EFHC1: variants seen among roughly 807,000 people sequenced by gnomAD.
The protein encoded by EFHC1 is EF-hand domain-containing protein 1.
EFHC1 carries 53 observed loss-of-function variants against 69.9 expected under a neutral mutation model. The ratio of observed to expected loss-of-function variants is 0.76; its 90% CI spans 0.61 to 0.95. EFHC1 has a LOEUF of 0.95. EFHC1 is among the 40% of genes least tolerant of loss of function. The pLI is 0.00. For synonymous variants in EFHC1, 256 were observed against 278.4 expected (o/e 0.92, Z 0.80); for missense variants, 739 against 798.7 (o/e 0.93, Z 0.90).
At chr6:52,466,937 A>G (rs1765318668) in intron 6 of EFHC1, among the ~76,000 whole-genome samples, 2 of 151,982 alleles carry the variant, frequency 1.3e-5, no homozygotes, top group Admixed American at 1.3e-4. Context: ...ACAATGATAA[A>G]CCCTCTCCTG....
intron 7 of EFHC1, among the ~76,000 whole-genome samples, chr6:52,476,765 TCAC>T: frequency 6.7e-6 from 1 of 149,834 alleles, no homozygotes; most frequent in Non-Finnish European, 1.5e-5. Context: ...GAACTATCTA[TCAC>T]ATATTGGAGG....
rs547901333 is a variant in EFHC1 at position 52,426,388 on chromosome 6, CCTT to C, written c.285+2225_285+2227del. ...TTGCCTCCATGACTCTCATTTTCCT[CCTT>C]CTTTCTATGTGGTTGCTTATTCTTT... On this transcript the variant is annotated intron_variant, in intron 2 of 10. Transcript: ENST00000371068. 5.9e-5 allele frequency among the ~76,000 whole-genome samples: 9 copies of C among 152,270 alleles called. No individual in the cohort carries two copies. The South Asian group carries it at 1.9e-3, about 32-fold the overall frequency.
intron 3 of EFHC1, among the ~76,000 whole-genome samples, chr6:52,447,134 T>C (rs545020196): frequency 1.3e-5 from 2 of 152,348 alleles, no homozygotes; most frequent in African/African-American, 4.8e-5. Context: ...GGAAGTTCTC[T>C]TGGATAATAT....
intron 5 of EFHC1, among the ~76,000 whole-genome samples, chr6:52,464,490 T>A (rs1434457072): frequency 6.6e-6 from 1 of 152,216 alleles, no homozygotes; most frequent in Non-Finnish European, 1.5e-5. Flanking sequence ...ATATAGATGG[T>A]CACTAGTAAT....
intron 2 of EFHC1, among the ~76,000 whole-genome samples, chr6:52,433,530 G>T (rs538734718): frequency 6.6e-6 from 1 of 152,202 alleles, no homozygotes; most frequent in African/African-American, 2.4e-5. Context: ...GCTGTGAGCC[G>T]TCTGTGGGTC....
chr6:52,466,356 C>T (rs964503338), intron 6 of EFHC1, among the ~76,000 whole-genome samples: 8 of 152,282 alleles, frequency 5.3e-5, no homozygotes, highest in Middle Eastern at 3.4e-3. Flanking sequence ...GTTTTACTCC[C>T]AGGAACTTTT....
chr6:52,495,197 G>A lies in EFHC1; in HGVS notation c.*2856G>A, dbSNP rs1402699111. 2.2e-6 allele frequency: 1 copy of A among 453,974 alleles called. No homozygotes were observed. Among genetic ancestry groups the A allele is most frequent in the South Asian group, 1.6e-5 (1 of 64,478 alleles). 28.1% of individuals were successfully genotyped at this position (453,974 alleles called of 1,614,324 possible). On this transcript the variant is annotated 3_prime_UTR_variant, in exon 11 of 11. Coordinates refer to ENST00000371068, the MANE Select transcript of EFHC1 (RefSeq NM_018100.4). ...TGTTCTCACCCAGATGGCTCTCTTG[G>A]CTGTGTAATTAGGCAGCTCAATCCC... is the stretch of plus-strand genomic sequence containing the variant.
intron 7 of EFHC1, among the ~76,000 whole-genome samples, chr6:52,476,683 G>T (rs1283651389): frequency 6.6e-6 from 1 of 152,096 alleles, no homozygotes; most frequent in Non-Finnish European, 1.5e-5. Context: ...GATGCCTGAG[G>T]AACATTCAAG....
chr6:52,462,503 A>C (rs1765192002), intron 5 of EFHC1, among the ~76,000 whole-genome samples: 1 of 152,186 alleles, frequency 6.6e-6, no homozygotes, highest in African/African-American at 2.4e-5. Flanking sequence ...GTCAAAAGTC[A>C]TCTCCTTGAA....
chr6:52,432,610 G>C (rs1288583943), intron 2 of EFHC1, among the ~76,000 whole-genome samples: 1 of 152,052 alleles, frequency 6.6e-6, no homozygotes, highest in East Asian at 1.9e-4. Context: ...AGGTTACCTG[G>C]TGCATTTGCC....
intron 6 of EFHC1, among the ~76,000 whole-genome samples, chr6:52,466,244 C>A (rs1298523899): frequency 1.3e-5 from 2 of 152,188 alleles, no homozygotes; most frequent in African/African-American, 4.8e-5. Flanking sequence ...TGTTTGAGTA[C>A]CTCCAGCCAG....
intron 2 of EFHC1, among the ~76,000 whole-genome samples, chr6:52,436,682 C>T (rs964602168): frequency 1.3e-5 from 2 of 152,094 alleles, no homozygotes; most frequent in African/African-American, 4.8e-5. Flanking sequence ...CACTCTGTCA[C>T]CCACGCTGGA....
chr6:52,431,857 T>C (rs1203128694), intron 2 of EFHC1, among the ~76,000 whole-genome samples: 1 of 152,176 alleles, frequency 6.6e-6, no homozygotes, highest in Non-Finnish European at 1.5e-5. Flanking sequence ...TATTAGTAAT[T>C]GTTTTATAAA....
At chr6:52,472,868 G>T (rs1166254420) in intron 7 of EFHC1, among the ~76,000 whole-genome samples, 1 of 151,944 alleles carries the variant, frequency 6.6e-6, no homozygotes, top group African/African-American at 2.4e-5. Flanking sequence ...CCAAAAATAT[G>T]TAACACCTAA....
intron 3 of EFHC1, among the ~76,000 whole-genome samples, chr6:52,450,259 GATGAGA>G (rs1330544138): frequency 6.6e-6 from 1 of 152,202 alleles, no homozygotes; most frequent in Non-Finnish European, 1.5e-5. Context: ...GCCATGTGGT[GATGAGA>G]ATAACGTATA....
rs1463833676 is a variant in EFHC1, at chr6:52,420,456, T to A, written c.46T>A (p.Ser16Thr). 1.2e-6 allele frequency: 2 copies of A among 1,614,144 alleles called. No homozygotes were observed. Among genetic ancestry groups the A allele is most frequent in the South Asian group, 2.2e-5 (2 of 91,080 alleles). ...VHGLPFLPGT[S>T]FKDSTKTAFH... ...TGGCTTGCCCTTTCTTCCGGGCACG[T>A]CCTTTAAGGACTCTACGGTGAGCAG... is the stretch of plus-strand genomic sequence containing the variant. The change falls in exon 1 of 11, where the codon TCC (serine) becomes ACC (threonine). Residue 16 changes from serine to threonine, a missense_variant. Transcript: ENST00000371068.
At chr6:52,445,438 G>C (rs1089947) in intron 3 of EFHC1, among the ~76,000 whole-genome samples, 1 of 143,780 alleles carries the variant, frequency 7.0e-6, no homozygotes, top group African/African-American at 2.6e-5. Flanking sequence ...TCCCAATGCT[G>C]TCCCTCCCCC....
rs989420535 is a variant in EFHC1, at chr6:52,496,911, C to A, written c.*4570C>A. The A allele has an allele frequency of 6.6e-6, 1 of 152,176 alleles. No individual in the cohort carries two copies. The highest frequency in any genetic ancestry group is 2.4e-5 in the African/African-American group (1 of 41,434). The allele number at this position is 152,176 out of a possible 1,614,324, so 9.4% of individuals were successfully genotyped here. A position where few individuals can be genotyped will look rare whatever the true frequency, so the allele number is the denominator to read the frequency against. ...TCCAAAGAAAGATGGTTCTGGTAAA[C>A]ACAGCAAGCAGCTACAGCCAACAGC... On this transcript the variant is annotated 3_prime_UTR_variant, in exon 11 of 11. Coordinates refer to ENST00000371068, the MANE Select transcript of EFHC1 (RefSeq NM_018100.4).
At position 52,420,343 on chromosome 6, in the gene EFHC1, C is replaced by T. The variant is rs1163165976; in HGVS notation, c.-68C>T. The T allele has an allele frequency of 6.2e-7, 1 of 1,602,528 alleles. No homozygotes were observed. Among genetic ancestry groups the T allele is most frequent in the Non-Finnish European group, 8.6e-7 (1 of 1,169,496 alleles). On this transcript the variant is annotated 5_prime_UTR_variant, in exon 1 of 11. Coordinates refer to ENST00000371068, the MANE Select transcript of EFHC1 (RefSeq NM_018100.4). ...TGGATCCTGGAGGTGCCCGCGAACA[C>T]TGCTTGTCGCCTGGGCAACCGGAGA...
Sources: allele counts gnomAD v4.1 joint callset (sites outside exome capture counted in the v4.1 genomes callset), GRCh38; gene constraint gnomAD v4.1.1; transcripts MANE v1.5; gene names NCBI Gene and HGNC (gene_info 2026-07-23, HGNC 2026-07-21).